The following SLC6A20 variants were observed in gnomAD, a reference collection of about 807,000 sequenced individuals.
SLC6A20 encodes sodium- and chloride-dependent transporter XTRP3.
In SLC6A20, 73 loss-of-function variants were observed where a neutral mutation model predicts 64.3. The observed-to-expected ratio is 1.14, with a 90% CI of 0.94 to 1.38. The LOEUF is 1.38. SLC6A20 is among the 40% of genes most tolerant of loss of function. The probability of loss-of-function intolerance (pLI) is 0.00; values close to 1 mark genes in which losing one functional copy is unlikely to be tolerated. For synonymous variants in SLC6A20, 347 were observed against 329.6 expected (o/e 1.05, Z -0.57); for missense variants, 725 against 772.8 (o/e 0.94, Z 0.73).
intron 1 of SLC6A20, among the ~76,000 whole-genome samples, 167 bp downstream of exon 1, chr3:45,796,132 G>A (rs1158542837): frequency 6.6e-6 from 1 of 152,156 alleles, no homozygotes; most frequent in Non-Finnish European, 1.5e-5. Context: ...CTCCGGCTCC[G>A]GAACGAGGTG....
intron 3 of SLC6A20, among the ~76,000 whole-genome samples, chr3:45,778,272 T>C (rs1342001405): frequency 6.6e-6 from 1 of 152,174 alleles, no homozygotes; most frequent in African/African-American, 2.4e-5. Flanking sequence ...TCTGCTCGGG[T>C]GCTCAGTGTG....
chr3:45,774,302 G>A (rs117159858), intron 4 of SLC6A20, among the ~76,000 whole-genome samples: 2 of 152,350 alleles, frequency 1.3e-5, no homozygotes, highest in East Asian at 3.9e-4. Flanking sequence ...ACATTTCAAA[G>A]TGATTGGGAA....
intron 1 of SLC6A20, among the ~76,000 whole-genome samples, chr3:45,785,305 G>A (rs552621231): frequency 1.3e-5 from 2 of 152,166 alleles, no homozygotes; most frequent in Non-Finnish European, 2.9e-5. Context: ...GTGTCTGTGA[G>A]GGTGTTGCCA....
At chr3:45,779,898 C>T (rs1028604648) in intron 3 of SLC6A20, 111 bp downstream of exon 3, 84 of 1,181,958 alleles carry the variant, frequency 7.1e-5, no homozygotes, top group Admixed American at 6.3e-4. Context: ...ACCGGCTCCC[C>T]GCCCCGAGGC....
Position 45,775,885 on chromosome 3 carries a change from G to A in SLC6A20, c.458C>T (p.Thr153Ile), listed in dbSNP as rs755132088. The A allele has an allele frequency of 3.1e-6, 5 of 1,614,172 alleles. No individual in the cohort carries two copies. In the South Asian group the frequency reaches 4.4e-5, roughly 14 times the overall value. The part of the protein sequence containing the change: ...SSTQYFWYRK[T>I]LNISPSLQEN... ...CTGGAGGGACGGCGAGATATTGAGG[G>A]TTTTCCTGTACCAGAAGTACTGTGT... The change falls in exon 4 of 11, where the codon ACC becomes ATC. Residue 153 changes from threonine (T) to isoleucine (I), a missense_variant. Physicochemically the swap from Thr to Ile is moderately conservative, Grantham distance 89. Transcript: ENST00000358525.
chr3:45,774,683 G>A (rs1459136386), intron 4 of SLC6A20, among the ~76,000 whole-genome samples: 3 of 152,152 alleles, frequency 2.0e-5, no homozygotes, highest in African/African-American at 4.8e-5. Flanking sequence ...TGGGGGGTGG[G>A]GTGTGGCTGG....
chr3:45,765,820 G>T lies in SLC6A20; in HGVS notation c.1099-79C>A. 6.7e-7 allele frequency: 1 copy of T among 1,497,020 alleles called. No individual in the cohort carries two copies. The highest frequency in any genetic ancestry group is 9.2e-7 in the Non-Finnish European group (1 of 1,088,016). The allele number at this position is 1,497,020 out of a possible 1,614,324, so 92.7% of individuals were successfully genotyped here. A position where few individuals can be genotyped will look rare whatever the true frequency, so the allele number is the denominator to read the frequency against. On this transcript the variant is annotated intron_variant, in intron 7 of 10. Coordinates refer to ENST00000358525, the MANE Select transcript of SLC6A20 (RefSeq NM_020208.4). The surrounding 1 kb of genome is among the most constrained non-coding windows in gnomAD (Gnocchi z 4.2). ...TCACGCACTCAGTACTAAGCAACATGGGGGACCTTGGAAGTGGCCATGAGA... is the reference window on the plus strand; with the variant it reads ...TCACGCACTCAGTACTAAGCAACATTGGGGACCTTGGAAGTGGCCATGAGA...
chr3:45,793,990 T>C (rs1390984264), intron 1 of SLC6A20, among the ~76,000 whole-genome samples: 1 of 152,204 alleles, frequency 6.6e-6, no homozygotes. Flanking sequence ...ATTGGATGGC[T>C]CCTGTGACTC....
chr3:45,796,321 G>T lies in SLC6A20; in HGVS notation c.99C>A (p.Tyr33Ter), dbSNP rs1177718945. 6 of 1,611,866 alleles carry T rather than the reference G, an allele frequency of 3.7e-6. No individual in the cohort carries two copies. The highest frequency in any genetic ancestry group is 1.1e-5 in the South Asian group (1 of 90,714). ...VGLGNVWRFP[Y>*]LCQMYGGGSF... is the part of the protein sequence containing the mutation. The stretch of plus-strand genomic sequence containing the variant: ...CACCTCCGCCGTACATCTGGCACAG[G>T]TACGGGAATCGCCACACGTTGCCCA... The change falls in exon 1 of 11, where the codon TAC becomes TAA. Residue 33 changes from tyrosine (Y) to a stop codon, truncating the protein, a stop_gained. Transcript: ENST00000358525. LOFTEE classifies it high-confidence loss of function.
At chr3:45,778,283 C>T (rs1040141360) in intron 3 of SLC6A20, among the ~76,000 whole-genome samples, 9 of 152,234 alleles carry the variant, frequency 5.9e-5, no homozygotes, top group Admixed American at 1.3e-4. Context: ...GCTCAGTGTG[C>T]TCAGCCTCGT....
At chr3:45,776,592 C>T (rs145444535) in intron 3 of SLC6A20, among the ~76,000 whole-genome samples, 8 of 152,298 alleles carry the variant, frequency 5.3e-5, no homozygotes, top group Middle Eastern at 3.4e-3. Flanking sequence ...CTCTCGGGCT[C>T]AGACATGCAG....
At chr3:45,793,010 C>T (rs1700282309) in intron 1 of SLC6A20, among the ~76,000 whole-genome samples, 1 of 152,178 alleles carries the variant, frequency 6.6e-6, no homozygotes, top group Admixed American at 6.5e-5. Context: ...ATCAGAATCC[C>T]TGGAAGTGGG....
chr3:45,789,867 C>T (rs2125657399), intron 1 of SLC6A20, among the ~76,000 whole-genome samples: 1 of 152,334 alleles, frequency 6.6e-6, no homozygotes, highest in East Asian at 1.9e-4. Context: ...GCTGGGATTA[C>T]AGGCATGAGC....
intron 1 of SLC6A20, chr3:45,791,584 A>G (rs1700251933): frequency 6.6e-6 from 1 of 152,468 alleles, no homozygotes; most frequent in African/African-American, 2.4e-5. Flanking sequence ...CTGTAAAGAA[A>G]TACCTCAAAC....
chr3:45,756,414 A>G lies in SLC6A20; in HGVS notation c.*2564T>C, dbSNP rs559116206. 10 of 151,668 alleles carry G rather than the reference A, an allele frequency of 6.6e-5. No individual in the cohort carries two copies. Among genetic ancestry groups the G allele is most frequent in the Non-Finnish European group, 1.2e-4 (8 of 68,032 alleles). The allele number at this position is 151,668 out of a possible 1,614,324, so 9.4% of individuals were successfully genotyped here. On this transcript the variant is annotated 3_prime_UTR_variant, in exon 11 of 11. Transcript: ENST00000358525. ...TTTGACATAAAAGAACCTTCTGATAAGAAGATTGAATCCACGGGGTAGATA... is the reference window on the plus strand; with the variant it reads ...TTTGACATAAAAGAACCTTCTGATAGGAAGATTGAATCCACGGGGTAGATA...
rs1181662663 is a variant in SLC6A20, at chr3:45,770,257, C to T, written c.1050G>A (p.Glu350=). Residue 350 remains glutamate (E), a synonymous_variant, in exon 7 of 11, where the codon GAG becomes GAA. Coordinates refer to ENST00000358525, the MANE Select transcript of SLC6A20 (RefSeq NM_020208.4). ...LASAYPSKYS[E]MFPQIKNCSL... is the part of the protein sequence containing the mutation. ...TGCAGTTTTTGATTTGCGGGAACAT[C>T]TCGCTGTATTTGCTTGGGTAGGCAG... 1 of 1,614,118 alleles carries T rather than the reference C, an allele frequency of 6.2e-7. No individual in the cohort carries two copies. The highest frequency in any genetic ancestry group is 8.5e-7 in the Non-Finnish European group (1 of 1,180,058).
chr3:45,794,027 C>A (rs1483611708), intron 1 of SLC6A20, among the ~76,000 whole-genome samples: 2 of 152,120 alleles, frequency 1.3e-5, no homozygotes, highest in African/African-American at 2.4e-5. Flanking sequence ...TTGGGCCGGG[C>A]GGAGACAGAG....
chr3:45,758,373 A>G lies in SLC6A20; in HGVS notation c.*605T>C. On this transcript the variant is annotated 3_prime_UTR_variant, in exon 11 of 11. Transcript: ENST00000358525. ...TTTTTGTAGAGAGGTCTGGTCCTGG[A>G]CCCACCGTCAGAGACCTTAGAGAAA... The G allele has an allele frequency of 8.0e-7, 1 of 1,247,278 alleles. No individual in the cohort carries two copies. The highest frequency in any genetic ancestry group is 1.3e-5 in the South Asian group (1 of 78,658). The allele number at this position is 1,247,278 out of a possible 1,614,324, so 77.3% of individuals were successfully genotyped here.
chr3:45,771,271 G>T lies in SLC6A20; in HGVS notation c.881C>A (p.Thr294Asn). The change falls in exon 6 of 11, where the codon ACC becomes AAC. Residue 294 changes from threonine to asparagine, a missense_variant. Thr to Asn is a moderately conservative substitution (Grantham distance 65). Coordinates refer to ENST00000358525, the MANE Select transcript of SLC6A20 (RefSeq NM_020208.4). ...SFTSIFASIV[T>N]FSIYGFKATF... Reference sequence around the variant, plus strand: ...GGCCTTGAAGCCATAGATGGAGAAGGTGACAATGCTGGCAAATATGGAGGT... The same window carrying T: ...GGCCTTGAAGCCATAGATGGAGAAGTTGACAATGCTGGCAAATATGGAGGT... 6.2e-7 allele frequency: 1 copy of T among 1,614,246 alleles called. No individual in the cohort carries two copies. Among genetic ancestry groups the T allele is most frequent in the Non-Finnish European group, 8.5e-7 (1 of 1,180,044 alleles).
Sources: allele counts gnomAD v4.1 joint callset (sites outside exome capture counted in the v4.1 genomes callset), GRCh38; gene constraint gnomAD v4.1.1; non-coding constraint Gnocchi (gnomAD v3.1); transcripts MANE v1.5; gene names NCBI Gene and HGNC (gene_info 2026-07-23, HGNC 2026-07-21).